MYO10: variants seen among roughly 807,000 people sequenced by gnomAD.
MYO10 encodes unconventional myosin-X.
MYO10 carries 133 observed loss-of-function variants against 257.3 expected under a neutral mutation model. The ratio of observed to expected loss-of-function variants is 0.52; its 90% CI spans 0.45 to 0.60. The LOEUF (loss-of-function observed/expected upper bound fraction) is 0.60, where lower values mean the gene tolerates loss of function less well. Ranked by LOEUF, MYO10 falls within the 20% of genes least tolerant of loss-of-function variation. The pLI is 0.00. For missense variants in MYO10, 2,399 were observed against 2,635.7 expected, an observed-to-expected ratio of 0.91 and a Z score of 1.97; for synonymous variants, 1,104 against 1,028.6, an observed-to-expected ratio of 1.07 and a Z score of -1.40.
At chr5:16,908,708 T>C (rs917564872) in intron 1 of MYO10, among the ~76,000 whole-genome samples, 2 of 152,102 alleles carry the variant, frequency 1.3e-5, no homozygotes, top group Non-Finnish European at 2.9e-5. Flanking sequence ...TATAGATAGA[T>C]ATAGATATGA....
chr5:16,828,611 C>T (rs768658832), intron 2 of MYO10, among the ~76,000 whole-genome samples: 24 of 133,800 alleles, frequency 1.8e-4, no homozygotes, highest in Admixed American at 7.8e-5. Context: ...CAGAGAGAGA[C>T]TCTGTCTCCA....
In MYO10 at chr5:16,737,574, A is replaced by G. The variant is rs142376483; in HGVS notation, c.1929+17254T>C. Among the ~76,000 whole-genome samples, 243 of 152,392 alleles carry G rather than the reference A, an allele frequency of 1.6e-3. 2 individuals carry two copies. Among genetic ancestry groups the G allele is most frequent in the African/African-American group, 5.3e-3 (222 of 41,604 alleles). The stretch of plus-strand genomic sequence containing the variant: ...AAAACACACAGTTAAAAGCAATAAC[A>G]AATGCTATATAACAAGTTAACTTAC... On this transcript the variant is annotated intron_variant, in intron 19 of 40. Transcript: ENST00000513610.
chr5:16,846,352 T>C (rs1289030642), intron 2 of MYO10, among the ~76,000 whole-genome samples: 1 of 152,200 alleles, frequency 6.6e-6, no homozygotes, highest in African/African-American at 2.4e-5. Flanking sequence ...CAGTCACTTC[T>C]GTGTGTGAGA....
intron 2 of MYO10, among the ~76,000 whole-genome samples, chr5:16,839,770 T>C (rs1043125106): frequency 6.6e-6 from 1 of 151,880 alleles, no homozygotes; most frequent in Non-Finnish European, 1.5e-5. Flanking sequence ...ATTTAATTAA[T>C]AGGCTTTGTG....
At chr5:16,873,404 C>T (rs1744501899) in intron 2 of MYO10, among the ~76,000 whole-genome samples, 1 of 152,216 alleles carries the variant, frequency 6.6e-6, no homozygotes, top group Non-Finnish European at 1.5e-5. Context: ...CTCCCAGCTG[C>T]TTTCATGGGC....
At chr5:16,874,359 G>GGGGGGTT (rs1561031407) in intron 2 of MYO10, among the ~76,000 whole-genome samples, 8 of 28,518 alleles carry the variant, frequency 2.8e-4, no homozygotes, top group Admixed American at 3.7e-4. Context: ...GGGGGGGGGG[G>GGGGGGTT]TTTCTTTTCT....
rs1736011692 is a variant in MYO10 at position 16,662,313 on chromosome 5, A to G, written c.*4379T>C. The G allele has an allele frequency of 2.0e-5, 1 of 48,936 alleles. No individual in the cohort carries two copies. The highest frequency in any genetic ancestry group is 2.9e-4 in the Admixed American group (1 of 3,402). The allele number at this position is 48,936 out of a possible 1,614,324, so 3.0% of individuals were successfully genotyped here. A position where few individuals can be genotyped will look rare whatever the true frequency, so the allele number is the denominator to read the frequency against. ...AAAAAGTGCTGTCTTAGATTTCTGAACTATTTTTTTTTTTTTTTTTTTTTT... is the reference window on the plus strand; with the variant it reads ...AAAAAGTGCTGTCTTAGATTTCTGAGCTATTTTTTTTTTTTTTTTTTTTTT... On this transcript the variant is annotated 3_prime_UTR_variant, in exon 41 of 41. Transcript: ENST00000513610.
chr5:16,831,323 G>T (rs1472917406), intron 2 of MYO10, among the ~76,000 whole-genome samples: 1 of 152,128 alleles, frequency 6.6e-6, no homozygotes, highest in Non-Finnish European at 1.5e-5. Flanking sequence ...ATTCCTTAAA[G>T]AACTAAAAGT....
intron 2 of MYO10, among the ~76,000 whole-genome samples, chr5:16,839,203 T>C (rs1389578413): frequency 6.6e-6 from 1 of 152,148 alleles, no homozygotes; most frequent in Non-Finnish European, 1.5e-5. Context: ...GCAAAATACA[T>C]TGAAAACCTT....
chr5:16,932,290 A>AC (rs1178732063), intron 1 of MYO10, among the ~76,000 whole-genome samples: 1 of 152,112 alleles, frequency 6.6e-6, no homozygotes, highest in African/African-American at 2.4e-5. Flanking sequence ...CAGACACATC[A>AC]CACCTCTGCC....
At chr5:16,696,650 G>A (rs1737758345) in intron 26 of MYO10, among the ~76,000 whole-genome samples, 3 of 126,054 alleles carry the variant, frequency 2.4e-5, no homozygotes, top group Admixed American at 7.8e-5. Flanking sequence ...AAGGTCAAGA[G>A]TTCAAGACCA....
intron 27 of MYO10, 79 bp downstream of exon 27, chr5:16,694,292 A>G: frequency 6.3e-7 from 1 of 1,586,214 alleles, no homozygotes; most frequent in Non-Finnish European, 8.6e-7. Context: ...GCTGCAAGGA[A>G]CTTGCACAGC....
chr5:16,896,989 C>T (rs1017202293), intron 1 of MYO10, among the ~76,000 whole-genome samples: 20 of 151,246 alleles, frequency 1.3e-4, no homozygotes, highest in African/African-American at 3.4e-4. Context: ...AGAGGGAGGA[C>T]GGGAAGGCAG....
At chr5:16,737,438 T>C (rs137865401) in intron 19 of MYO10, among the ~76,000 whole-genome samples, 3 of 152,096 alleles carry the variant, frequency 2.0e-5, no homozygotes, top group Non-Finnish European at 4.4e-5. Context: ...CCATTTCCCA[T>C]CTCCTAACAC....
rs1478654734 is a variant in MYO10 at position 16,824,727 on chromosome 5, C to T, written c.121-6560G>A. Among the ~76,000 whole-genome samples, 7 of 151,942 alleles carry T rather than the reference C, an allele frequency of 4.6e-5. No individual in the cohort carries two copies. The East Asian group carries it at 7.7e-4, about 17-fold the overall frequency. ...ACTAAAAATACAAAAATTAGCTGGG[C>T]GTGGTGGCACGCACCTGTAGTCCCA... is the stretch of plus-strand genomic sequence containing the variant. On this transcript the variant is annotated intron_variant, in intron 2 of 40. Coordinates refer to ENST00000513610, the MANE Select transcript of MYO10 (RefSeq NM_012334.3).
chr5:16,667,153 A>G (rs1029110304), intron 40 of MYO10, among the ~76,000 whole-genome samples: 3 of 152,226 alleles, frequency 2.0e-5, no homozygotes, highest in Non-Finnish European at 2.9e-5. Flanking sequence ...GTGAAATGAC[A>G]GAGTCCACAA....
chr5:16,794,689 G>A lies in MYO10; in HGVS notation c.424C>T (p.Arg142Cys), dbSNP rs1163521477. The A allele has an allele frequency of 1.1e-5, 18 of 1,613,338 alleles. No homozygotes were observed. The highest frequency in any genetic ancestry group is 1.7e-4 in the Middle Eastern group (1 of 6,052). The change falls in exon 4 of 41, where the codon CGC becomes TGC. Residue 142 changes from arginine (R) to cysteine (C), a missense_variant. Transcript: ENST00000513610. ...HIFAIANECY[R>C]CLWKRHDNQC... ...TTGTCGTGGCGCTTCCACAGGCAGC[G>A]GTAGCACTCGTTGGCGATGGCGAAG...
intron 1 of MYO10, chr5:16,902,302 G>A (rs761687220): frequency 1.4e-4 from 118 of 819,470 alleles, no homozygotes; most frequent in Non-Finnish European, 2.3e-4. Flanking sequence ...CCTTACATGG[G>A]CTTTGGTAGG....
intron 9 of MYO10, among the ~76,000 whole-genome samples, chr5:16,777,459 G>GA (rs1741253726): frequency 6.6e-6 from 1 of 152,196 alleles, no homozygotes; most frequent in Admixed American, 6.5e-5. Context: ...TCATTCCACA[G>GA]ACAGTTGTAA....
Sources: allele counts gnomAD v4.1 joint callset (sites outside exome capture counted in the v4.1 genomes callset), GRCh38; gene constraint gnomAD v4.1.1; transcripts MANE v1.5; gene names NCBI Gene and HGNC (gene_info 2026-07-23, HGNC 2026-07-21).